SPECC1L: variants seen among roughly 807,000 people sequenced by gnomAD.
The protein encoded by SPECC1L is cytospin-A.
A neutral mutation model predicts 116.8 loss-of-function variants in SPECC1L; 40 were observed. The ratio of observed to expected loss-of-function variants is 0.34; its 90% CI spans 0.27 to 0.45. The LOEUF is 0.45. SPECC1L is among the 20% of genes least tolerant of loss of function. The pLI is 1.00. For synonymous variants in SPECC1L, 504 were observed against 500.6 expected (o/e 1.01, Z -0.09); for missense variants, 1,110 against 1,373.6 (o/e 0.81, Z 3.03).
intron 14 of SPECC1L, among the ~76,000 whole-genome samples, chr22:24,389,366 C>T (rs1042907620): frequency 2.0e-5 from 3 of 152,056 alleles, no homozygotes; most frequent in Non-Finnish European, 4.4e-5. Flanking sequence ...CCACCCACCT[C>T]AACCCCCCAA....
intron 11 of SPECC1L, among the ~76,000 whole-genome samples, chr22:24,358,889 C>T (rs2041585352): frequency 6.6e-6 from 1 of 152,118 alleles, no homozygotes; most frequent in Non-Finnish European, 1.5e-5. Flanking sequence ...CTAGCATGCC[C>T]ATGTTATGTA....
intron 14 of SPECC1L, among the ~76,000 whole-genome samples, chr22:24,410,997 G>A (rs548107756): frequency 6.6e-6 from 1 of 152,082 alleles, no homozygotes; most frequent in Non-Finnish European, 1.5e-5. Context: ...GACCATCCTA[G>A]CTTACAGTGA....
chr22:24,414,051 G>A (rs771544297), intron 16 of SPECC1L, among the ~76,000 whole-genome samples: 2 of 152,168 alleles, frequency 1.3e-5, no homozygotes, highest in Non-Finnish European at 2.9e-5. Context: ...GGTCACTGGC[G>A]TTCAGCAGAG....
chr22:24,271,492 C>G (rs933174721), intron 1 of SPECC1L, among the ~76,000 whole-genome samples: 5 of 152,250 alleles, frequency 3.3e-5, no homozygotes, highest in African/African-American at 1.2e-4. Context: ...GGCCGGCGCC[C>G]GAGGCGGACG....
chr22:24,275,552 CT>C (rs78661499), intron 1 of SPECC1L, among the ~76,000 whole-genome samples: 4,132 of 133,136 alleles, frequency 0.031, 176 homozygotes, highest in African/African-American at 0.1. Context: ...CACCTTTCAC[CT>C]TTTTTTTTTT....
At position 24,310,151 on chromosome 22, in the gene SPECC1L, C is replaced by G. The variant is rs140200541; in HGVS notation, c.154-3162C>G. Among the ~76,000 whole-genome samples the G allele has an allele frequency of 7.6e-3, 1,160 of 152,294 alleles. 13 individuals carry two copies. Among genetic ancestry groups the G allele is most frequent in the African/African-American group, 0.026 (1,089 of 41,552 alleles). On this transcript the variant is annotated intron_variant, in intron 3 of 16. Transcript: ENST00000314328. ...TGTTAATCTTTTCACTTAATGTACT[C>G]TAGAAATCTCTCTCCATACCAATTG...
chr22:24,283,483 C>G (rs1010280649), intron 2 of SPECC1L, among the ~76,000 whole-genome samples: 6 of 152,144 alleles, frequency 3.9e-5, no homozygotes, highest in Non-Finnish European at 4.4e-5. Flanking sequence ...ACTCAATTTG[C>G]TAAAATTTTG....
At chr22:24,382,819 G>A (rs192300615) in intron 14 of SPECC1L, among the ~76,000 whole-genome samples, 2 of 151,808 alleles carry the variant, frequency 1.3e-5, no homozygotes, top group African/African-American at 2.4e-5. Context: ...CCAGCAGTTC[G>A]AGGTTACAGT....
At chr22:24,343,592 C>T (rs777064901) in intron 10 of SPECC1L, 2 of 378,362 alleles carry the variant, frequency 5.3e-6, no homozygotes, top group South Asian at 3.8e-5. Context: ...CCCTGAGTAG[C>T]TGGGACTACA....
chr22:24,322,157 G>A lies in SPECC1L; in HGVS notation c.1177G>A (p.Val393Met), dbSNP rs1161327181. The A allele has an allele frequency of 6.2e-7, 1 of 1,613,858 alleles. No individual in the cohort carries two copies. The highest frequency in any genetic ancestry group is 8.5e-7 in the Non-Finnish European group (1 of 1,180,022). ...CAGCGGGAATGCCAGTGAAGTGTCC[G>A]TGGCTTGCCTGACTGAACGGATACA... The part of the protein sequence containing the change: ...GSSGNASEVS[V>M]ACLTERIHQM... The change falls in exon 5 of 17, where the codon GTG (valine) becomes ATG (methionine). Residue 393 changes from valine (V) to methionine (M), a missense_variant. Transcript: ENST00000314328.
intron 6 of SPECC1L, among the ~76,000 whole-genome samples, chr22:24,326,275 A>G (rs764800090): frequency 9.9e-5 from 15 of 152,212 alleles, no homozygotes; most frequent in Non-Finnish European, 1.8e-4. Flanking sequence ...AATTGATACA[A>G]TGTAAATGAA....
intron 14 of SPECC1L, among the ~76,000 whole-genome samples, chr22:24,373,504 G>C (rs1333444388): frequency 2.0e-5 from 3 of 152,050 alleles, no homozygotes; most frequent in Non-Finnish European, 2.9e-5. Flanking sequence ...TGACAGACCT[G>C]ACAAAAACAA....
At chr22:24,375,824 C>T (rs527363749) in intron 14 of SPECC1L, among the ~76,000 whole-genome samples, 3 of 152,154 alleles carry the variant, frequency 2.0e-5, no homozygotes, top group Admixed American at 6.5e-5. Flanking sequence ...GTGGCACACA[C>T]CTGTAATGCC....
intron 2 of SPECC1L, among the ~76,000 whole-genome samples, chr22:24,281,494 T>C (rs985552077): frequency 6.6e-6 from 1 of 152,234 alleles, no homozygotes; most frequent in African/African-American, 2.4e-5. Flanking sequence ...TCAACAATAT[T>C]TTGTAGTTTT....
At chr22:24,353,880 C>T (rs894727355) in intron 11 of SPECC1L, among the ~76,000 whole-genome samples, 2 of 152,148 alleles carry the variant, frequency 1.3e-5, no homozygotes, top group African/African-American at 4.8e-5. Flanking sequence ...TGTGTTAGTC[C>T]ATTCTTGGAT....
intron 2 of SPECC1L, among the ~76,000 whole-genome samples, chr22:24,292,280 G>C (rs1164893930): frequency 1.3e-5 from 2 of 152,164 alleles, no homozygotes; most frequent in African/African-American, 2.4e-5. Context: ...AAACTTGATT[G>C]GTGTGTTTTT....
At chr22:24,292,956 A>C (rs1268765226) in intron 2 of SPECC1L, among the ~76,000 whole-genome samples, 1 of 152,224 alleles carries the variant, frequency 6.6e-6, no homozygotes, top group African/African-American at 2.4e-5. Flanking sequence ...GATTTTTTAG[A>C]ATACAGATTA....
intron 6 of SPECC1L, among the ~76,000 whole-genome samples, chr22:24,328,502 G>A (rs1367257688): frequency 6.6e-6 from 1 of 152,090 alleles, no homozygotes; most frequent in Non-Finnish European, 1.5e-5. Context: ...AATAATACTT[G>A]TGATTAAAAG....
chr22:24,281,514 A>T (rs941425922), intron 2 of SPECC1L, among the ~76,000 whole-genome samples: 2 of 152,168 alleles, frequency 1.3e-5, no homozygotes, highest in Non-Finnish European at 2.9e-5. Context: ...TCAGTGTACA[A>T]ATCTTTCCAG....
Sources: gnomAD v4.1 joint callset for allele counts (sites outside exome capture counted in the v4.1 genomes callset) on GRCh38, gnomAD v4.1.1 for gene constraint, MANE v1.5 for transcripts, NCBI Gene and HGNC (gene_info 2026-07-23, HGNC 2026-07-21) for gene names.